CCDC180: variants seen among roughly 807,000 people sequenced by gnomAD.
The protein encoded by CCDC180 is coiled-coil domain containing 180, also known as coiled-coil domain-containing protein 180.
Under a neutral mutation model 209.2 loss-of-function variants are expected in CCDC180, and 154 were observed. The ratio of observed to expected loss-of-function variants is 0.74; its 90% CI spans 0.65 to 0.84. The LOEUF is 0.84. Ranked by LOEUF, CCDC180 falls within the 40% of genes least tolerant of loss-of-function variation. The pLI is 0.00. For missense variants in CCDC180, 1,874 were observed against 1,997.3 expected, an observed-to-expected ratio of 0.94 and a Z score of 1.18; for synonymous variants, 778 against 749.1, an observed-to-expected ratio of 1.04 and a Z score of -0.63.
chr9:97,346,272 A>G (rs1313660228), intron 19 of CCDC180, among the ~76,000 whole-genome samples: 9 of 152,286 alleles, frequency 5.9e-5, no homozygotes, highest in African/African-American at 2.2e-4. Context: ...TTCTCCTTCC[A>G]TTATTCTTGG....
intron 18 of CCDC180, among the ~76,000 whole-genome samples, chr9:97,339,978 G>A (rs973627487): frequency 4.6e-5 from 7 of 152,128 alleles, no homozygotes; most frequent in Admixed American, 2.0e-4. Context: ...CATGCGTCAC[G>A]TAGTTCTTGT....
chr9:97,323,948 G>T lies in CCDC180; in HGVS notation c.1371+45G>T, dbSNP rs141514275. ...CCACTGGGGAGCTGAGGTGGGGTTG[G>T]GGGTCCCCGGGGTTGCTGGGCTGTA... On this transcript the variant is annotated intron_variant, in intron 13 of 36. Transcript: ENST00000529487. 769 of 1,544,188 alleles carry T rather than the reference G, an allele frequency of 5.0e-4. 3 individuals are homozygous for T. The African/African-American group carries it at 9.6e-3, about 19-fold the overall frequency.
chr9:97,324,904 G>A (rs960078486), intron 13 of CCDC180, 115 bp from the exon 14 acceptor site: 16 of 940,274 alleles, frequency 1.7e-5, no homozygotes, highest in East Asian at 1.1e-4. Context: ...CTTGAGGGAC[G>A]GTGTCTGGGC....
intron 5 of CCDC180, 149 bp from the exon 6 acceptor site, chr9:97,314,244 C>T (rs1833082176): frequency 1.2e-6 from 1 of 843,392 alleles, no homozygotes; most frequent in South Asian, 1.7e-5. Context: ...TGGTTGTGAG[C>T]TGAGTAGTGA....
chr9:97,375,745 G>T, intron 36 of CCDC180, 156 bp downstream of exon 36: 1 of 821,340 alleles, frequency 1.2e-6, no homozygotes, highest in African/African-American at 1.7e-5. Context: ...CAACACTCAG[G>T]ACAGTCACCA....
intron 11 of CCDC180, among the ~76,000 whole-genome samples, chr9:97,321,589 A>C (rs1833360702): frequency 6.6e-6 from 1 of 152,206 alleles, no homozygotes; most frequent in Non-Finnish European, 1.5e-5. Flanking sequence ...CCTAAATAAT[A>C]GCAATGGCTG....
chr9:97,322,831 A>G lies in CCDC180; in HGVS notation c.1160-2A>G. ...GATTTGCTTTGTTTTCTGCCCATGG[A>G]GACACCTACCACGTGGACTGCATGA... On this transcript the variant is annotated splice_acceptor_variant, in intron 11 of 36. Transcript: ENST00000529487. LOFTEE classifies it high-confidence loss of function. 28 of 1,613,608 alleles carry G rather than the reference A, an allele frequency of 1.7e-5. No homozygotes were observed. The highest frequency in any genetic ancestry group is 2.4e-5 in the Non-Finnish European group (28 of 1,179,740).
At chr9:97,321,624 A>G (rs1833361841) in intron 11 of CCDC180, among the ~76,000 whole-genome samples, 2 of 152,226 alleles carry the variant, frequency 1.3e-5, no homozygotes, top group African/African-American at 4.8e-5. Flanking sequence ...CCTCCTACAG[A>G]CAGGCATTGT....
intron 4 of CCDC180, among the ~76,000 whole-genome samples, chr9:97,312,957 T>C (rs1317209465): frequency 9.4e-6 from 1 of 105,870 alleles, no homozygotes; most frequent in East Asian, 2.8e-4. Flanking sequence ...TTATCATTTC[T>C]ATATGTATTT....
rs1169476015 is a variant in CCDC180, at chr9:97,361,781, C to T, written c.3539C>T (p.Ala1180Val). ...AGTGACATCCTGACATCTTCAGAAG[C>T]CCTTGAAGAGGAGGCCAAGCTGGAC... is the stretch of plus-strand genomic sequence containing the variant. Reference protein sequence around the residue: ...EDSDILTSSEALEEEAKLDVV... With the variant: ...EDSDILTSSEVLEEEAKLDVV... Residue 1180 changes from alanine (A) to valine (V), a missense_variant, in exon 27 of 37, where the codon GCC (alanine) becomes GTC (valine). Coordinates refer to ENST00000529487, the MANE Select transcript of CCDC180 (RefSeq NM_020893.6). 1.2e-6 allele frequency: 2 copies of T among 1,614,160 alleles called. No homozygotes were observed. The highest frequency in any genetic ancestry group is 2.2e-5 in the East Asian group (1 of 44,876).
chr9:97,349,159 T>G lies in CCDC180; in HGVS notation c.2723T>G (p.Val908Gly). 3 of 1,536,202 alleles carry G rather than the reference T, an allele frequency of 2.0e-6. No homozygotes were observed. Among genetic ancestry groups the G allele is most frequent in the Non-Finnish European group, 2.6e-6 (3 of 1,146,930 alleles). Residue 908 changes from valine to glycine, a missense_variant, in exon 21 of 37, where the codon GTG (valine) becomes GGG (glycine). Physicochemically the swap from Val to Gly is moderately radical, Grantham distance 109 (BLOSUM62 -3). Transcript: ENST00000529487. ...CAGTTGGACAGCCACTGTGCTGGGG[T>G]GACCGAGACGCTGAAGAAGAAGCGG... ...QEQLDSHCAG[V>G]TETLKKKRLM...
At position 97,343,481 on chromosome 9, in the gene CCDC180, A is replaced by G. The variant is rs756764733; in HGVS notation, c.2416A>G (p.Met806Val). ...GAAGTCCCATTCCACCTTCTCAGCC[A>G]TGTTCATCAACGACACTTCCAGTGC... ...CRKSHSTFSAMFINDTSSAKF... is the reference protein window; with the variant it reads ...CRKSHSTFSAVFINDTSSAKF... The change falls in exon 19 of 37, where the codon ATG becomes GTG. Residue 806 changes from methionine (M) to valine (V), a missense_variant. Coordinates refer to ENST00000529487, the MANE Select transcript of CCDC180 (RefSeq NM_020893.6). 3.7e-6 allele frequency: 6 copies of G among 1,614,098 alleles called. No homozygotes were observed. The highest frequency in any genetic ancestry group is 2.7e-5 in the African/African-American group (2 of 74,938).
At chr9:97,342,761 C>A (rs947435702) in intron 18 of CCDC180, among the ~76,000 whole-genome samples, 2 of 152,210 alleles carry the variant, frequency 1.3e-5, no homozygotes, top group African/African-American at 4.8e-5. Context: ...CTGTTTATTT[C>A]TTCTCTTTTC....
intron 18 of CCDC180, among the ~76,000 whole-genome samples, 193 bp from the exon 19 acceptor site, chr9:97,343,147 A>G (rs914351368): frequency 6.6e-6 from 1 of 152,212 alleles, no homozygotes; most frequent in African/African-American, 2.4e-5. Flanking sequence ...GAGAAATTAG[A>G]AACCCAGATT....
rs1425629891 is a variant in CCDC180 at position 97,346,405 on chromosome 9, A to G, written c.2499-909A>G. ...AGTTTTTGGAAACTGACATCTTAAC[A>G]GTACATGGCCAAAAAAGTACCATAC... On this transcript the variant is annotated intron_variant, in intron 19 of 36. Transcript: ENST00000529487. Among the ~76,000 whole-genome samples, 3 of 152,232 alleles carry G rather than the reference A, an allele frequency of 2.0e-5. No homozygotes were observed. The East Asian group carries it at 5.8e-4, about 29-fold the overall frequency.
rs147100303 is a variant in CCDC180 at position 97,330,434 on chromosome 9, C to A, written c.1941C>A (p.Ala647=). 5.0e-6 allele frequency: 8 copies of A among 1,613,978 alleles called. No homozygotes were observed. Among genetic ancestry groups the A allele is most frequent in the Non-Finnish European group, 6.8e-6 (8 of 1,180,040 alleles). Reference sequence around the variant, plus strand: ...GCATAAGTAGTGGGACAAGTACTGCCAGGTCAGTAGAAGAGGTGGAAGAAG... The same window carrying A: ...GCATAAGTAGTGGGACAAGTACTGCAAGGTCAGTAGAAGAGGTGGAAGAAG... ...EESISSGTST[A]RSVEEVEEEN... is the part of the protein sequence containing the mutation. The change falls in exon 18 of 37, where the codon GCC becomes GCA. Residue 647 remains alanine (A), a synonymous_variant. Transcript: ENST00000529487.
At chr9:97,314,335 G>A (rs969587714) in intron 5 of CCDC180, 58 bp from the exon 6 acceptor site, 24 of 1,603,504 alleles carry the variant, frequency 1.5e-5, no homozygotes, top group African/African-American at 1.3e-5. Context: ...GACAGGGAAG[G>A]CTCCCTCCTT....
intron 3 of CCDC180, 90 bp downstream of exon 3, chr9:97,309,694 T>C: frequency 9.0e-7 from 1 of 1,111,262 alleles, no homozygotes. Context: ...ATGAGTAGCC[T>C]GTAGGAATGA....
intron 15 of CCDC180, among the ~76,000 whole-genome samples, chr9:97,326,930 T>G (rs1159716389): frequency 6.6e-6 from 1 of 152,120 alleles, no homozygotes; most frequent in Non-Finnish European, 1.5e-5. Context: ...TTTTAAAAAT[T>G]TAAAGATGTG....
Sources: allele counts gnomAD v4.1 joint callset (sites outside exome capture counted in the v4.1 genomes callset), GRCh38; gene constraint gnomAD v4.1.1; transcripts MANE v1.5; gene names NCBI Gene and HGNC (gene_info 2026-07-23, HGNC 2026-07-21).